The following GPHN variants were observed in gnomAD, a reference collection of about 807,000 sequenced individuals.
The protein encoded by GPHN is gephyrin.
In GPHN, 17 loss-of-function variants were observed where a neutral mutation model predicts 95.5. The observed-to-expected ratio is 0.18, with a 90% CI of 0.12 to 0.27. The LOEUF is 0.27. Ranked by LOEUF, GPHN falls within the 10% of genes least tolerant of loss-of-function variation. The pLI, the probability that GPHN is intolerant of heterozygous loss-of-function variation, is 1.00. For synonymous variants in GPHN, 320 were observed against 322.5 expected (o/e 0.99, Z 0.08); for missense variants, 660 against 978.1 (o/e 0.67, Z 4.34).
At chr14:67,634,280 C>T in the GPHN span, among the ~76,000 whole-genome samples, 1 of 152,018 alleles carries the variant, frequency 6.6e-6, no homozygotes, top group Non-Finnish European at 1.5e-5. Context: ...ATATATCAAA[C>T]TTTAACTCTT....
At chr14:67,209,289 G>A in the GPHN span, among the ~76,000 whole-genome samples, 1 of 152,116 alleles carries the variant, frequency 6.6e-6, no homozygotes, top group Non-Finnish European at 1.5e-5. Flanking sequence ...GCTGGAATGT[G>A]CTGTGATGAA....
chr14:66,842,791 A>AT, intron 4 of GPHN: 1 of 1,060,122 alleles, frequency 9.4e-7, no homozygotes, highest in Non-Finnish European at 1.4e-6. Flanking sequence ...TTTTATCATC[A>AT]TAAAAAATGC....
chr14:67,087,037 C>CAAAA lies in GPHN; in HGVS notation c.1145-1930_1145-1927dup, dbSNP rs60067524. Among the ~76,000 whole-genome samples, 389 of 77,206 alleles carry CAAAA rather than the reference C, an allele frequency of 5.0e-3. 5 individuals carry two copies. Among genetic ancestry groups the CAAAA allele is most frequent in the African/African-American group, 0.013 (337 of 25,416 alleles). 50.7% of individuals were successfully genotyped at this position (77,206 alleles called of 152,430 possible). On this transcript the variant is annotated intron_variant, in intron 11 of 22. Transcript: ENST00000478722. The stretch of plus-strand genomic sequence containing the variant: ...TGGGCGACAGAGCAAGACTCTGTCT[C>CAAAA]AAAAAAAAAAAAAAAAAAACTCTCT...
intron 1 of GPHN, among the ~76,000 whole-genome samples, chr14:66,520,052 G>A (rs2058412936): frequency 6.6e-6 from 1 of 152,084 alleles, no homozygotes; most frequent in Admixed American, 6.5e-5. Flanking sequence ...CTTCAAAGAT[G>A]TTCATATACA....
At chr14:66,719,545 C>T (rs556759678) in intron 2 of GPHN, among the ~76,000 whole-genome samples, 341 of 152,204 alleles carry the variant, frequency 2.2e-3, no homozygotes, top group African/African-American at 7.7e-3. Flanking sequence ...TGGGTCCTCT[C>T]GGGTTTCCTG....
chr14:67,670,826 G>A, the GPHN span, among the ~76,000 whole-genome samples: 8 of 152,064 alleles, frequency 5.3e-5, 1 homozygote, highest in South Asian at 1.2e-3. Flanking sequence ...GTGCCCGGCC[G>A]TTTGTTTCTT....
At chr14:67,088,891 G>A in intron 11 of GPHN, 92 bp from the exon 12 acceptor site, 4 of 761,066 alleles carry the variant, frequency 5.3e-6, no homozygotes, top group South Asian at 4.3e-5. Flanking sequence ...TACAAGCTGT[G>A]TCAGACAAGC....
the GPHN span, among the ~76,000 whole-genome samples, chr14:67,509,833 A>C: frequency 3.9e-5 from 6 of 151,984 alleles, no homozygotes; most frequent in African/African-American, 1.2e-4. Context: ...ATAGCGAGTT[A>C]TAAAGACTCT....
intron 20 of GPHN, among the ~76,000 whole-genome samples, chr14:67,166,796 G>T (rs927429783): frequency 6.6e-6 from 1 of 151,984 alleles, no homozygotes; most frequent in East Asian, 1.9e-4. Context: ...CAGCCTCCCA[G>T]GTAGCTGGGA....
At chr14:66,644,003 T>G (rs2064592767) in intron 1 of GPHN, among the ~76,000 whole-genome samples, 1 of 151,964 alleles carries the variant, frequency 6.6e-6, no homozygotes, top group Non-Finnish European at 1.5e-5. Flanking sequence ...CAGCTGAGAT[T>G]TATTTACAAG....
chr14:66,722,457 T>C (rs375501130), intron 2 of GPHN, among the ~76,000 whole-genome samples: 1 of 152,290 alleles, frequency 6.6e-6, no homozygotes, highest in African/African-American at 2.4e-5. Flanking sequence ...TTTTTGTTTT[T>C]AAGAGACAAG....
intron 9 of GPHN, among the ~76,000 whole-genome samples, chr14:67,002,182 G>C (rs185692193): frequency 4.0e-5 from 6 of 151,412 alleles, no homozygotes; most frequent in Non-Finnish European, 8.9e-5. Flanking sequence ...ATGCATTAAG[G>C]CTTAATTCTC....
the GPHN span, among the ~76,000 whole-genome samples, chr14:67,458,108 G>A: frequency 2.0e-5 from 3 of 152,186 alleles, no homozygotes; most frequent in South Asian, 6.2e-4. Flanking sequence ...GAAACCTGAG[G>A]AGAGCTGAGC....
At chr14:66,697,270 G>A (rs1013465198) in intron 2 of GPHN, among the ~76,000 whole-genome samples, 2 of 152,158 alleles carry the variant, frequency 1.3e-5, no homozygotes, top group Admixed American at 6.6e-5. Flanking sequence ...TTAAACAAAT[G>A]TGTTTGACTA....
At chr14:66,524,792 C>T (rs1238940906) in intron 1 of GPHN, among the ~76,000 whole-genome samples, 3 of 152,088 alleles carry the variant, frequency 2.0e-5, no homozygotes, top group Non-Finnish European at 4.4e-5. Flanking sequence ...ATGATGGTTT[C>T]CAGCTTCATC....
At chr14:66,706,609 C>T (rs557261097) in intron 2 of GPHN, among the ~76,000 whole-genome samples, 5 of 152,192 alleles carry the variant, frequency 3.3e-5, no homozygotes, top group African/African-American at 1.2e-4. Flanking sequence ...TGGGTAGCCA[C>T]ATGCAGAAAA....
At chr14:67,713,145 T>C in the GPHN span, among the ~76,000 whole-genome samples, 1 of 152,150 alleles carries the variant, frequency 6.6e-6, no homozygotes, top group South Asian at 2.1e-4. Context: ...AAACCAGCTT[T>C]TTGTTAACTT....
chr14:67,496,411 TTTTTTTTTTTG>T, the GPHN span, among the ~76,000 whole-genome samples: 3 of 134,386 alleles, frequency 2.2e-5, no homozygotes, highest in African/African-American at 8.2e-5. Context: ...TTTTTTTTTT[TTTTTTTTTTTG>T]AGACAGGGTC....
chr14:67,496,284 G>T, the GPHN span, among the ~76,000 whole-genome samples: 1 of 151,090 alleles, frequency 6.6e-6, no homozygotes, highest in East Asian at 1.9e-4. Context: ...GTAGAAACAG[G>T]GTTTTGTCAT....
Sources: allele counts gnomAD v4.1 joint callset (sites outside exome capture counted in the v4.1 genomes callset), GRCh38; gene constraint gnomAD v4.1.1; transcripts MANE v1.5; gene names NCBI Gene and HGNC (gene_info 2026-07-23, HGNC 2026-07-21).